SPATA31H1: variants seen among roughly 807,000 people sequenced by gnomAD.
SPATA31H1 encodes the protein SPATA31 subfamily H member 1.
chr2:27,555,076 G>T, the SPATA31H1 span, among the ~76,000 whole-genome samples: 2 of 151,868 alleles, frequency 1.3e-5, no homozygotes, highest in Non-Finnish European at 2.9e-5. Context: ...ATTCCTGTTT[G>T]GTTGAGTGTT....
chr2:27,569,328 C>G, the SPATA31H1 span: 2 of 398,764 alleles, frequency 5.0e-6, no homozygotes, highest in Admixed American at 4.4e-5. Flanking sequence ...AGAGATACCC[C>G]CCATGTCAGA....
chr2:27,568,599 C>T, the SPATA31H1 span: 1 of 398,910 alleles, frequency 2.5e-6, no homozygotes, highest in Non-Finnish European at 4.4e-6. Flanking sequence ...ATCTGTTCAT[C>T]TGGTCCTACC....
At chr2:27,562,532 A>AAT in the SPATA31H1 span, among the ~76,000 whole-genome samples, 12 of 147,946 alleles carry the variant, frequency 8.1e-5, no homozygotes, top group East Asian at 3.9e-4. Context: ...AAAGTAAATA[A>AAT]ATATATATAT....
chr2:27,580,567 C>T, the SPATA31H1 span: 5 of 1,614,194 alleles, frequency 3.1e-6, no homozygotes, highest in Non-Finnish European at 4.2e-6. Context: ...GCAACTCAGA[C>T]AAGTACTGCC....
At chr2:27,568,660 C>A in the SPATA31H1 span, 4 of 398,956 alleles carry the variant, frequency 1.0e-5, no homozygotes, top group East Asian at 7.1e-5. Context: ...AGACCACCAA[C>A]GGAAGATACA....
chr2:27,570,330 C>A, the SPATA31H1 span: 3 of 398,734 alleles, frequency 7.5e-6, no homozygotes, highest in African/African-American at 2.1e-5. Flanking sequence ...CTCAGAACTA[C>A]CATTTCAAAG....
At chr2:27,543,070 C>T in the SPATA31H1 span, among the ~76,000 whole-genome samples, 2 of 151,912 alleles carry the variant, frequency 1.3e-5, no homozygotes, top group Non-Finnish European at 2.9e-5. Flanking sequence ...TGCACTCCAG[C>T]GTGGATGACA....
the SPATA31H1 span, chr2:27,568,980 G>A: frequency 2.5e-6 from 1 of 398,936 alleles, no homozygotes; most frequent in Non-Finnish European, 4.4e-6. Flanking sequence ...AGGAAAAGAA[G>A]CAAAGTTGAC....
the SPATA31H1 span, chr2:27,582,495 G>A: frequency 1.2e-6 from 2 of 1,611,198 alleles, no homozygotes; most frequent in African/African-American, 1.3e-5. Flanking sequence ...TCCCAAAGCA[G>A]GGCAAGTGTG....
the SPATA31H1 span, among the ~76,000 whole-genome samples, chr2:27,549,088 A>G: frequency 6.6e-6 from 1 of 151,540 alleles, no homozygotes; most frequent in African/African-American, 2.4e-5. Flanking sequence ...AAAAAAAAAA[A>G]AAAAAAAGAA....
the SPATA31H1 span, chr2:27,578,610 C>T: frequency 2.5e-6 from 4 of 1,613,998 alleles, no homozygotes; most frequent in African/African-American, 1.3e-5. Context: ...GACTCATAAA[C>T]AAGGGCTTCA....
the SPATA31H1 span, among the ~76,000 whole-genome samples, chr2:27,539,705 G>A: frequency 2.8e-5 from 2 of 72,294 alleles, no homozygotes; most frequent in Non-Finnish European, 5.1e-5. Flanking sequence ...GGGCAGAAGC[G>A]CCCCTCACCT....
chr2:27,580,918 C>G, the SPATA31H1 span: 2 of 1,614,190 alleles, frequency 1.2e-6, no homozygotes, highest in South Asian at 1.1e-5. Context: ...TCTTTCCAAC[C>G]CAGACCTCTT....
At chr2:27,560,461 T>C in the SPATA31H1 span, among the ~76,000 whole-genome samples, 2 of 129,532 alleles carry the variant, frequency 1.5e-5, no homozygotes, top group South Asian at 2.2e-4. Flanking sequence ...TCAAAGAGTA[T>C]TTTTTTTTTT....
At chr2:27,559,960 C>T in the SPATA31H1 span, among the ~76,000 whole-genome samples, 4 of 151,952 alleles carry the variant, frequency 2.6e-5, no homozygotes, top group East Asian at 5.8e-4. Flanking sequence ...CTCCACCTCC[C>T]GAGTTCAAGC....
chr2:27,582,200 C>T, the SPATA31H1 span: 8 of 1,613,586 alleles, frequency 5.0e-6, no homozygotes, highest in Non-Finnish European at 5.9e-6. Flanking sequence ...CTGGGAAAAC[C>T]TGTCACAGTC....
the SPATA31H1 span, chr2:27,575,555 G>A: frequency 2.5e-6 from 1 of 398,394 alleles, no homozygotes; most frequent in African/African-American, 2.1e-5. The surrounding 1 kb of genome is among the most constrained non-coding windows in gnomAD (Gnocchi z 4.1). Context: ...AATCTGCCAA[G>A]TTGAATCCTG....
the SPATA31H1 span, chr2:27,566,828 C>T: frequency 2.8e-6 from 2 of 717,816 alleles, no homozygotes; most frequent in Non-Finnish European, 2.6e-6. Flanking sequence ...CTGTTCTATG[C>T]TGTTGTGACT....
At chr2:27,566,309 G>A in the SPATA31H1 span, 1 of 717,378 alleles carries the variant, frequency 1.4e-6, no homozygotes, top group South Asian at 1.5e-5. Flanking sequence ...CTCCCTGTGG[G>A]CTGGACCCAG....
Sources: allele counts gnomAD v4.1 joint callset (sites outside exome capture counted in the v4.1 genomes callset), GRCh38; gene constraint gnomAD v4.1.1; non-coding constraint Gnocchi (gnomAD v3.1); transcripts MANE v1.5; gene names NCBI Gene and HGNC (gene_info 2026-07-23, HGNC 2026-07-21).